ANK1: variants seen among roughly 807,000 people sequenced by gnomAD.
The protein encoded by ANK1 is ankyrin-1.
In ANK1, 51 loss-of-function variants were observed where a neutral mutation model predicts 210.4. The observed-to-expected ratio is 0.24, with a 90% CI of 0.19 to 0.31. ANK1 has a LOEUF of 0.31. ANK1 is among the 10% of genes least tolerant of loss of function. The pLI, the probability that ANK1 is intolerant of heterozygous loss-of-function variation, is 1.00. For synonymous variants in ANK1, 967 were observed against 1,025.9 expected (o/e 0.94, Z 1.10); for missense variants, 2,051 against 2,504.4 (o/e 0.82, Z 3.86).
intron 1 of ANK1, chr8:41,896,343 G>GC: frequency 6.3e-7 from 1 of 1,586,606 alleles, no homozygotes; most frequent in Non-Finnish European, 8.6e-7. Flanking sequence ...TTTCACCGCC[G>GC]CCCCCTCCTA....
In ANK1 at chr8:41,719,873, A is replaced by G. The variant is rs1414149248; in HGVS notation, c.910-15T>C. ...GACAGGCCGTTCTGGGTAAAGAGGA[A>G]AACACAAGCAATCACAAAGTCTTCT... On this transcript the variant is annotated splice_polypyrimidine_tract_variant and intron_variant, in intron 9 of 42. Coordinates refer to ENST00000289734, the MANE Select transcript of ANK1 (RefSeq NM_000037.4). 2 of 1,613,912 alleles carry G rather than the reference A, an allele frequency of 1.2e-6. No homozygotes were observed. Among genetic ancestry groups the G allele is most frequent in the African/African-American group, 2.7e-5 (2 of 74,924 alleles).
intron 38 of ANK1, among the ~76,000 whole-genome samples, chr8:41,670,955 T>A (rs1812066184): frequency 6.6e-6 from 1 of 152,200 alleles, no homozygotes; most frequent in Admixed American, 6.5e-5. Context: ...GAGCCCCATC[T>A]CATGTCTGTC....
intron 22 of ANK1, chr8:41,700,527 T>C: frequency 6.9e-7 from 1 of 1,457,490 alleles, no homozygotes; most frequent in East Asian, 2.3e-5. Context: ...GCATATATTA[T>C]CCAAAGGAGC....
At chr8:41,718,620 A>T (rs1828383039) in intron 10 of ANK1, among the ~76,000 whole-genome samples, 2 of 152,140 alleles carry the variant, frequency 1.3e-5, no homozygotes, top group South Asian at 4.1e-4. Context: ...TTAAAGTGTG[A>T]TATACTCTGA....
chr8:41,660,401 C>G (rs942781619), intron 42 of ANK1: 4 of 469,530 alleles, frequency 8.5e-6, no homozygotes, highest in African/African-American at 8.0e-5. Flanking sequence ...TGCACTGGGG[C>G]CACCATGCCC....
intron 31 of ANK1, among the ~76,000 whole-genome samples, chr8:41,692,222 A>G (rs1332473172): frequency 6.6e-6 from 1 of 151,920 alleles, no homozygotes; most frequent in African/African-American, 2.4e-5. Context: ...ATGCCCGGCT[A>G]ATTTTTGTAT....
chr8:41,663,098 G>GTCTCTC (rs60380363), intron 40 of ANK1, among the ~76,000 whole-genome samples: 38,262 of 144,498 alleles, frequency 0.26, 5,203 homozygotes, highest in East Asian at 0.42. Flanking sequence ...GTGTGTGTGT[G>GTCTCTC]TCTCTCTCTC....
chr8:41,655,818 C>T, intron 42 of ANK1, 65 bp from the exon 43 acceptor site: 1 of 1,556,566 alleles, frequency 6.4e-7, no homozygotes, highest in Non-Finnish European at 8.9e-7. Context: ...GCAAAAACCC[C>T]ACACACAGAG....
chr8:41,842,734 G>A (rs1253922315), intron 1 of ANK1, among the ~76,000 whole-genome samples: 2 of 152,210 alleles, frequency 1.3e-5, no homozygotes, highest in Non-Finnish European at 2.9e-5. Context: ...GTTTGGGACT[G>A]GGGCTGGGCA....
intron 39 of ANK1, chr8:41,664,712 T>A: frequency 7.7e-7 from 1 of 1,303,772 alleles, no homozygotes; most frequent in South Asian, 1.3e-5. Context: ...GTCTCCCAAC[T>A]CTGGGTCCGG....
At chr8:41,866,742 A>G (rs1357557195) in intron 1 of ANK1, among the ~76,000 whole-genome samples, 1 of 152,234 alleles carries the variant, frequency 6.6e-6, no homozygotes, top group Non-Finnish European at 1.5e-5. Context: ...TTCACTCAGC[A>G]CATCGTCCTC....
At chr8:41,716,399 C>G (rs946177507) in intron 13 of ANK1, among the ~76,000 whole-genome samples, 1 of 152,114 alleles carries the variant, frequency 6.6e-6, no homozygotes, top group African/African-American at 2.4e-5. Context: ...GCTGCCTGGG[C>G]CAGGTCTCAT....
At position 41,696,457 on chromosome 8, in the gene ANK1, G is replaced by C. The variant is rs144832060; in HGVS notation, c.2866C>G (p.Pro956Ala). The C allele has an allele frequency of 3.7e-6, 6 of 1,613,338 alleles. No homozygotes were observed. Among genetic ancestry groups the C allele is most frequent in the Non-Finnish European group, 5.1e-6 (6 of 1,179,938 alleles). Residue 956 changes from proline to alanine, a missense_variant, in exon 26 of 43, where the codon CCC (proline) becomes GCC (alanine). This residue lies in a region of ANK1 where 1,413 missense variants were observed against 1,707.4 expected (regional missense o/e 0.83). Coordinates refer to ENST00000289734, the MANE Select transcript of ANK1 (RefSeq NM_000037.4). ...GGGGGCGGCGTGCTGAGCTTCTGGG[G>C]CTTGACCAGGCGGCAGGTGATGCGG... ...PTRITCRLVKPQKLSTPPPLA... is the reference protein window; with the variant it reads ...PTRITCRLVKAQKLSTPPPLA...
intron 4 of ANK1, 73 bp from the exon 5 acceptor site, chr8:41,727,421 C>CCAGGTGAGAGGACG: frequency 8.3e-6 from 9 of 1,082,676 alleles, no homozygotes; most frequent in South Asian, 2.5e-5. Context: ...ACAACGTCCT[C>CCAGGTGAGAGGACG]TCACCTGGAG....
chr8:41,823,755 C>A (rs973693363), intron 1 of ANK1, among the ~76,000 whole-genome samples: 2 of 152,066 alleles, frequency 1.3e-5, no homozygotes, highest in Non-Finnish European at 1.5e-5. Flanking sequence ...CAGAGCAAGA[C>A]CCTGTCTGAA....
intron 2 of ANK1, among the ~76,000 whole-genome samples, chr8:41,742,505 G>A (rs1835033197): frequency 6.6e-6 from 1 of 152,100 alleles, no homozygotes; most frequent in Non-Finnish European, 1.5e-5. Context: ...CGTGACTGAG[G>A]ACCTCCCCAC....
intron 1 of ANK1, among the ~76,000 whole-genome samples, chr8:41,784,223 T>C (rs1845908163): frequency 6.6e-6 from 1 of 152,172 alleles, no homozygotes; most frequent in South Asian, 2.1e-4. Context: ...AACACTTCAC[T>C]ATATTTCTCT....
rs369257000 is a variant in ANK1 at position 41,771,254 on chromosome 8, GA to G, written c.28-13118del. On this transcript the variant is annotated intron_variant, in intron 1 of 42. Coordinates refer to ENST00000289734, the MANE Select transcript of ANK1 (RefSeq NM_000037.4). Reference sequence around the variant, plus strand: ...TTGCAGGAGATCCTTCAGGATGGCAGAAAAAAAAAACCTCAACATTTGATCT... The same window carrying G: ...TTGCAGGAGATCCTTCAGGATGGCAGAAAAAAAAACCTCAACATTTGATCT... 8.6e-4 allele frequency among the ~76,000 whole-genome samples: 128 copies of G among 148,768 alleles called. 3 individuals are homozygous for G. The highest frequency in any genetic ancestry group is 3.5e-3 in the Middle Eastern group (1 of 284).
chr8:41,806,194 G>T (rs562954718), intron 1 of ANK1, among the ~76,000 whole-genome samples: 1 of 152,144 alleles, frequency 6.6e-6, no homozygotes, highest in South Asian at 2.1e-4. Flanking sequence ...ATACCTTGAC[G>T]TTAAGCTATT....
Sources: gnomAD v4.1 joint callset for allele counts (sites outside exome capture counted in the v4.1 genomes callset) on GRCh38, gnomAD v4.1.1 for gene constraint, gnomAD v4.1.1 regional missense constraint, MANE v1.5 for transcripts, NCBI Gene and HGNC (gene_info 2026-07-23, HGNC 2026-07-21) for gene names.